The following RP1 variants were observed in gnomAD, a reference collection of about 807,000 sequenced individuals.
RP1 encodes oxygen-regulated protein 1.
Under a neutral mutation model 14.8 loss-of-function variants are expected in RP1, and 16 were observed. The observed-to-expected ratio is 1.08, with a 90% CI of 0.73 to 1.65. The LOEUF (loss-of-function observed/expected upper bound fraction) is 1.65. Among genes scored for constraint, RP1 ranks in the 40% most tolerant of loss-of-function variants. The pLI is 0.00. For synonymous variants in RP1, 876 were observed against 883.6 expected (o/e 0.99, Z 0.15); for missense variants, 2,631 against 2,535.0 (o/e 1.04, Z -0.81).
chr8:54,587,425 CA>C (rs568598595), intron 1 of RP1, among the ~76,000 whole-genome samples: 10,212 of 94,970 alleles, frequency 0.11, 1,017 homozygotes, highest in African/African-American at 0.29. Context: ...GACCCTGTCT[CA>C]AAAAAAAAAA....
intron 1 of RP1, among the ~76,000 whole-genome samples, chr8:54,598,028 C>T (rs193200095): frequency 1.4e-3 from 217 of 152,168 alleles, no homozygotes; most frequent in African/African-American, 4.8e-3. Flanking sequence ...CCCGCACTAT[C>T]GTTAACCCCT....
Position 54,652,867 on chromosome 8 carries a change from G to T in RP1, c.1038+1G>T. ...CTCCCCTTCCTGGCACTGCAAGGAG[G>T]TAAGGATATATCAACACTTTCCCAT... On this transcript the variant is annotated splice_donor_variant, in intron 5 of 22. Transcript: ENST00000636932. LOFTEE classifies it high-confidence loss of function. 6.5e-7 allele frequency: 1 copy of T among 1,532,814 alleles called. No homozygotes were observed. Among genetic ancestry groups the T allele is most frequent in the African/African-American group, 1.4e-5 (1 of 73,088 alleles). The allele number at this position is 1,532,814 out of a possible 1,614,324, so 95.0% of individuals were successfully genotyped here.
At chr8:54,572,846 A>G (rs1470512695) in intron 1 of RP1, among the ~76,000 whole-genome samples, 1 of 152,146 alleles carries the variant, frequency 6.6e-6, no homozygotes, top group Non-Finnish European at 1.5e-5. Flanking sequence ...TAGAATTTGC[A>G]TGGGTTGAAT....
At chr8:54,863,545 G>A (rs753379298) in intron 27 of RP1, among the ~76,000 whole-genome samples, 1 of 152,044 alleles carries the variant, frequency 6.6e-6, no homozygotes, top group Non-Finnish European at 1.5e-5. Flanking sequence ...TGTATGATAC[G>A]AGGATGGAAT....
At chr8:54,816,504 C>A (rs1230637731) in intron 24 of RP1, among the ~76,000 whole-genome samples, 1 of 152,174 alleles carries the variant, frequency 6.6e-6, no homozygotes, top group East Asian at 1.9e-4. Flanking sequence ...GAATTTCAAT[C>A]TAAGAAACTG....
chr8:54,842,022 A>G (rs1676804763), intron 25 of RP1, among the ~76,000 whole-genome samples: 1 of 152,218 alleles, frequency 6.6e-6, no homozygotes, highest in South Asian at 2.1e-4. Context: ...TGAAACTTGA[A>G]GTCATGAGAA....
chr8:54,563,040 G>C (rs1387560559), intron 1 of RP1, among the ~76,000 whole-genome samples: 4 of 152,176 alleles, frequency 2.6e-5, no homozygotes, highest in South Asian at 2.1e-4. Context: ...AATGACTGTA[G>C]ACTCTTACTC....
intron 15 of RP1, among the ~76,000 whole-genome samples, chr8:54,717,873 G>GTT (rs1244877383): frequency 2.0e-5 from 3 of 152,036 alleles, no homozygotes; most frequent in African/African-American, 7.2e-5. Context: ...TTCAGAATCA[G>GTT]TAAGTGTTTA....
intron 12 of RP1, among the ~76,000 whole-genome samples, chr8:54,691,820 TTTA>T (rs1488659964): frequency 1.3e-5 from 2 of 151,980 alleles, no homozygotes; most frequent in East Asian, 1.9e-4. Flanking sequence ...TTTATTTTAT[TTTA>T]TTATTATTAT....
At chr8:54,860,587 G>A (rs756912343) in intron 27 of RP1, among the ~76,000 whole-genome samples, 7 of 152,178 alleles carry the variant, frequency 4.6e-5, no homozygotes, top group Non-Finnish European at 8.8e-5. Context: ...AGGTATATGT[G>A]CTTTTCTGTT....
rs755411597 is a variant in RP1 at position 54,625,835 on chromosome 8, G to A, written c.1953G>A (p.Gln651=). Residue 651 remains glutamine, a synonymous_variant, in exon 4 of 4, where the codon CAG becomes CAA. Coordinates refer to ENST00000220676, the MANE Select transcript of RP1 (RefSeq NM_006269.2). ...RIDRLINEFA[Q]CGLTKLPKNE... ...ACAGACTAATTAATGAATTTGCTCA[G>A]TGTGGTTTAACAAAACTTCCAAAAA... 1.2e-5 allele frequency: 19 copies of A among 1,613,340 alleles called. No individual in the cohort carries two copies. The South Asian group carries it at 2.0e-4, about 17-fold the overall frequency.
intron 25 of RP1, chr8:54,852,551 A>G (rs1585747585): frequency 9.0e-6 from 11 of 1,223,832 alleles, no homozygotes; most frequent in Non-Finnish European, 1.1e-5. Flanking sequence ...GAGAAAGATA[A>G]TATCAGATTT....
Position 54,628,490 on chromosome 8 carries a change from A to T in RP1, c.4608A>T (p.Pro1536=). The change falls in exon 4 of 4, where the codon CCA becomes CCT. Residue 1536 remains proline (P), a synonymous_variant. Coordinates refer to ENST00000220676, the MANE Select transcript of RP1 (RefSeq NM_006269.2). ...TCAGTAAGAGGCTGGCAACACCACC[A>T]TCTTTAGATTTTTGCTATGATTCTA... The part of the protein sequence containing the change: ...EIISKRLATP[P]SLDFCYDSKQ... 1 of 1,613,786 alleles carries T rather than the reference A, an allele frequency of 6.2e-7. No homozygotes were observed. The highest frequency in any genetic ancestry group is 1.1e-5 in the South Asian group (1 of 91,010).
chr8:54,783,525 T>C, intron 23 of RP1: 2 of 1,206,756 alleles, frequency 1.7e-6, no homozygotes, highest in Non-Finnish European at 2.1e-6. Flanking sequence ...ACTTTTATAT[T>C]GATCTCCTTT....
At chr8:54,691,694 G>C (rs956824510) in intron 12 of RP1, among the ~76,000 whole-genome samples, 1 of 151,908 alleles carries the variant, frequency 6.6e-6, no homozygotes, top group Non-Finnish European at 1.5e-5. Flanking sequence ...GGGGACAAGG[G>C]AAAACTTCCC....
Position 54,628,179 on chromosome 8 carries a change from G to A in RP1, c.4297G>A (p.Ala1433Thr), listed in dbSNP as rs1242936500. Residue 1433 changes from alanine (A) to threonine (T), a missense_variant, in exon 4 of 4, where the codon GCA (alanine) becomes ACA (threonine). Coordinates refer to ENST00000220676, the MANE Select transcript of RP1 (RefSeq NM_006269.2). ...CSLRKFQDEN[A>T]YTSFDMEEPR... ...ACTAAGGAAGTTTCAGGATGAAAAT[G>A]CATATACTTCCTTTGATATGGAAGA... 6 of 1,613,990 alleles carry A rather than the reference G, an allele frequency of 3.7e-6. No individual in the cohort carries two copies. Among genetic ancestry groups the A allele is most frequent in the Non-Finnish European group, 5.1e-6 (6 of 1,179,914 alleles).
chr8:54,715,690 C>T (rs1350026534), intron 15 of RP1, among the ~76,000 whole-genome samples: 1 of 152,104 alleles, frequency 6.6e-6, no homozygotes, highest in Non-Finnish European at 1.5e-5. Flanking sequence ...AGAATAATTC[C>T]ACTTTTCTTT....
At chr8:54,661,240 A>G (rs1416786045) in intron 6 of RP1, among the ~76,000 whole-genome samples, 11 of 131,248 alleles carry the variant, frequency 8.4e-5, no homozygotes, top group African/African-American at 2.9e-4. Flanking sequence ...TATATAATAT[A>G]TACATAATGA....
At chr8:54,793,093 G>C (rs1031146952) in intron 24 of RP1, among the ~76,000 whole-genome samples, 3 of 151,598 alleles carry the variant, frequency 2.0e-5, no homozygotes, top group Non-Finnish European at 4.4e-5. Context: ...TAGAGAAAAC[G>C]TATAAATTTA....
Sources: gnomAD v4.1 joint callset for allele counts (sites outside exome capture counted in the v4.1 genomes callset) on GRCh38, gnomAD v4.1.1 for gene constraint, MANE v1.5 for transcripts, NCBI Gene and HGNC (gene_info 2026-07-23, HGNC 2026-07-21) for gene names.